Variants in STAB1 observed in about 807,000 individuals in gnomAD.
STAB1 encodes the protein stabilin 1, also known as stabilin-1.
A neutral mutation model predicts 332.4 loss-of-function variants in STAB1; 250 were observed. That is an observed-to-expected ratio of 0.75 (90% CI 0.68 to 0.84). The LOEUF (loss-of-function observed/expected upper bound fraction) is 0.84. Among genes scored for constraint, STAB1 ranks in the 40% least tolerant of loss-of-function variants. STAB1 has a pLI of 0.00. For missense variants in STAB1, 3,249 were observed against 3,489.7 expected (o/e 0.93, Z 1.74); for synonymous variants, 1,475 against 1,390.4 (o/e 1.06, Z -1.35).
Position 52,522,602 on chromosome 3 carries a change from G to C in STAB1, c.6658G>C (p.Gly2220Arg). The C allele has an allele frequency of 6.2e-7, 1 of 1,613,056 alleles. No individual in the cohort carries two copies. The highest frequency in any genetic ancestry group is 8.5e-7 in the Non-Finnish European group (1 of 1,180,036). Residue 2220 changes from glycine to arginine, a missense_variant, in exon 61 of 69, where the codon GGT (glycine) becomes CGT (arginine). Transcript: ENST00000321725. ...CCTCCAGGCCACCAGCGGCCCTTAT[G>C]GTCTGAACTTTTCGGAGGCTGAGGC... ...FHLQATSGPYGLNFSEAEAAC... is the reference protein window; with the variant it reads ...FHLQATSGPYRLNFSEAEAAC...
At position 52,509,295 on chromosome 3, in the gene STAB1, A is replaced by G. The variant is rs1214668370; in HGVS notation, c.2321A>G (p.Asn774Ser). The G allele has an allele frequency of 1.2e-6, 2 of 1,613,430 alleles. No homozygotes were observed. Among genetic ancestry groups the G allele is most frequent in the East Asian group, 4.5e-5 (2 of 44,896 alleles). ...GCCTGCCACATCTGCTCGAACCCAA[A>G]CAAGCATGGAGAGCAATGCCAGGAA... ...GIACHICSNP[N>S]KHGEQCQEDC... is the part of the protein sequence containing the mutation. The change falls in exon 22 of 69, where the codon AAC becomes AGC. Residue 774 changes from asparagine to serine, a missense_variant. Asn to Ser is a conservative substitution (Grantham distance 46, BLOSUM62 1). Transcript: ENST00000321725.
chr3:52,518,159 G>A (rs2078939229), intron 45 of STAB1, 153 bp from the exon 46 acceptor site: 1 of 1,490,006 alleles, frequency 6.7e-7, no homozygotes, highest in African/African-American at 1.4e-5. Flanking sequence ...CCCCAGCTAT[G>A]ACCCATGAAA....
In STAB1 at chr3:52,508,002, C is replaced by T. The variant is rs765120019; in HGVS notation, c.2124C>T (p.Ala708=). 6.2e-7 allele frequency: 1 copy of T among 1,613,622 alleles called. No individual in the cohort carries two copies. Among genetic ancestry groups the T allele is most frequent in the Non-Finnish European group, 8.5e-7 (1 of 1,179,988 alleles). ...TCAATGTGCTAAAGAAGGGCTGTGCCAGCTACTGCAACCAAACCATCATGG... is the reference window on the plus strand; with the variant it reads ...TCAATGTGCTAAAGAAGGGCTGTGCTAGCTACTGCAACCAAACCATCATGG... ...TGLNVLKKGC[A]SYCNQTIMEQ... The change falls in exon 20 of 69, where the codon GCC becomes GCT. Residue 708 remains alanine (A), a synonymous_variant. Transcript: ENST00000321725.
At chr3:52,524,240 C>T in intron 68 of STAB1, 27 bp downstream of exon 68, 1 of 1,613,982 alleles carries the variant, frequency 6.2e-7, no homozygotes, top group Non-Finnish European at 8.5e-7. Flanking sequence ...AGAAGTGTGG[C>T]AGATGTGGGA....
In STAB1 at chr3:52,519,638, CTG is replaced by C. The variant is rs548171177; in HGVS notation, c.5235+81_5235+82del. 347 of 1,573,088 alleles carry C rather than the reference CTG, an allele frequency of 2.2e-4. No homozygotes were observed. In the African/African-American group the frequency reaches 3.7e-3, roughly 17 times the overall value. On this transcript the variant is annotated intron_variant, in intron 50 of 68. Transcript: ENST00000321725. The stretch of plus-strand genomic sequence containing the variant: ...AGTGTGTGCAAGTGTGTATGCGTAC[CTG>C]TGTGTGCATACCCACCTGTGTGCAC...
At position 52,518,322 on chromosome 3, in the gene STAB1, G is replaced by A. The variant is rs1326007815; in HGVS notation, c.4772G>A (p.Arg1591Lys). ...CCCTCGCCCCCCCAGGAGCTCCTGA[G>A]GGATAAGCATGCCTCATTCTTCAGC... ...CRARVGLELL[R>K]DKHASFFSLR... Residue 1591 changes from arginine to lysine, a missense_variant, in exon 46 of 69, where the codon AGG (arginine) becomes AAG (lysine). Arg to Lys is a conservative substitution (Grantham distance 26). Coordinates refer to ENST00000321725, the MANE Select transcript of STAB1 (RefSeq NM_015136.3). 6.2e-7 allele frequency: 1 copy of A among 1,612,850 alleles called. No homozygotes were observed. Among genetic ancestry groups the A allele is most frequent in the South Asian group, 1.1e-5 (1 of 91,044 alleles).
In STAB1 at chr3:52,516,854, GC is replaced by G. The variant is rs1001796634; in HGVS notation, c.4363+92del. The G allele has an allele frequency of 6.9e-5, 111 of 1,597,280 alleles. No individual in the cohort carries two copies. The African/African-American group carries it at 1.2e-3, about 17-fold the overall frequency. ...GCCCCCTTCACTTCCTCTAGGCCCA[GC>G]CCCCCTCACTGTCCCATCTCAGGAC... On this transcript the variant is annotated intron_variant, in intron 41 of 68. Transcript: ENST00000321725.
At position 52,514,723 on chromosome 3, in the gene STAB1, T is replaced by C. The variant is rs148592651; in HGVS notation, c.3701T>C (p.Leu1234Pro). Residue 1234 changes from leucine to proline, a missense_variant, in exon 35 of 69, where the codon CTG becomes CCG. Leu to Pro is a moderately conservative substitution (Grantham distance 98). Transcript: ENST00000321725. ...SGQPEVNHVP[L>P]EGPMLEAPGR... is the part of the protein sequence containing the mutation. ...CAGCCTGAGGTGAACCATGTGCCAC[T>C]GGAAGGCCCCATGCTGGAGGCCCCT... 4.3e-6 allele frequency: 7 copies of C among 1,612,946 alleles called. No individual in the cohort carries two copies. The highest frequency in any genetic ancestry group is 4.0e-5 in the African/African-American group (3 of 74,918).
intron 28 of STAB1, 86 bp downstream of exon 28, chr3:52,512,729 G>T: frequency 6.2e-7 from 1 of 1,610,946 alleles, no homozygotes; most frequent in Non-Finnish European, 8.5e-7. Context: ...ATCTCCAAGC[G>T]TGGGAGGTTG....
intron 3 of STAB1, 21 bp from the exon 4 acceptor site, chr3:52,501,985 G>A (rs1708483573): frequency 6.2e-7 from 1 of 1,611,040 alleles, no homozygotes; most frequent in African/African-American, 1.3e-5. Flanking sequence ...GCACAGAGCT[G>A]AGTACTGTGG....
At position 52,505,140 on chromosome 3, in the gene STAB1, C is replaced by T; in HGVS notation, c.1515C>T (p.Pro505=). The T allele has an allele frequency of 6.2e-7, 1 of 1,612,762 alleles. No individual in the cohort carries two copies. Residue 505 remains proline, a synonymous_variant, in exon 13 of 69, where the codon CCC becomes CCT. Coordinates refer to ENST00000321725, the MANE Select transcript of STAB1 (RefSeq NM_015136.3). ...CCCCCTCTGGGACCCCTGGGGATCC[C>T]AAGGTGAGCCAGCATCCTCCCCTCC... ...WQAPSGTPGD[P]KRTIGQILAS... is the part of the protein sequence containing the mutation.
At chr3:52,521,335 C>T (rs1056380927) in intron 55 of STAB1, 26 bp from the exon 56 acceptor site, 4 of 1,613,194 alleles carry the variant, frequency 2.5e-6, no homozygotes, top group Non-Finnish European at 3.4e-6. Context: ...CCTGGCCCCA[C>T]CTCACTTCTC....
chr3:52,508,151 A>G, intron 20 of STAB1, 122 bp from the exon 21 acceptor site: 6 of 1,343,084 alleles, frequency 4.5e-6, no homozygotes, highest in Admixed American at 1.9e-5. Context: ...ACGGTGGAAA[A>G]GGGGTCCCAG....
At chr3:52,510,616 G>A (rs1278012252) in intron 25 of STAB1, 109 bp downstream of exon 25, 2 of 1,394,620 alleles carry the variant, frequency 1.4e-6, no homozygotes, top group East Asian at 4.9e-5. Context: ...GGAGCCTCAG[G>A]TGCAGATGAG....
intron 22 of STAB1, 76 bp from the exon 23 acceptor site, chr3:52,509,794 C>A (rs1709156625): frequency 6.4e-7 from 1 of 1,559,426 alleles, no homozygotes; most frequent in South Asian, 1.1e-5. Context: ...TCCCTATATC[C>A]CCCAAACCCA....
At chr3:52,514,575 C>A in intron 34 of STAB1, 79 bp downstream of exon 34, 1 of 1,548,960 alleles carries the variant, frequency 6.5e-7, no homozygotes, top group Non-Finnish European at 8.7e-7. Context: ...GTTTCCCTAG[C>A]TGTGAGCCTC....
At chr3:52,521,229 TG>T in intron 55 of STAB1, 131 bp from the exon 56 acceptor site, 3 of 1,320,454 alleles carry the variant, frequency 2.3e-6, no homozygotes, top group African/African-American at 1.4e-5. Context: ...CTCCAGGACA[TG>T]GGCCTGGAGG....
intron 28 of STAB1, 27 bp from the exon 29 acceptor site, chr3:52,512,801 C>A: frequency 6.2e-7 from 1 of 1,605,626 alleles, no homozygotes; most frequent in Non-Finnish European, 8.5e-7. Flanking sequence ...CTCGCTCCTC[C>A]CGCCCCTGCT....
At chr3:52,498,383 A>C (rs1708198903) in intron 1 of STAB1, among the ~76,000 whole-genome samples, 1 of 152,182 alleles carries the variant, frequency 6.6e-6, no homozygotes, top group African/African-American at 2.4e-5. Context: ...CAGCTGGACC[A>C]ACGGCAAGAT....
Sources: allele counts gnomAD v4.1 joint callset (sites outside exome capture counted in the v4.1 genomes callset), GRCh38; gene constraint gnomAD v4.1.1; transcripts MANE v1.5; gene names NCBI Gene and HGNC (gene_info 2026-07-23, HGNC 2026-07-21).